The following EPHX2 variants were observed in gnomAD, a reference collection of about 807,000 sequenced individuals.
The protein encoded by EPHX2 is epoxide hydrolase 2.
EPHX2 carries 74 observed loss-of-function variants against 78.7 expected under a neutral mutation model. The observed-to-expected ratio is 0.94, with a 90% CI of 0.78 to 1.14. The LOEUF is 1.14. EPHX2 is among the 50% of genes most tolerant of loss of function. EPHX2 has a pLI of 0.00. For synonymous variants in EPHX2, 251 were observed against 255.2 expected, an observed-to-expected ratio of 0.98 and a Z score of 0.16; for missense variants, 715 against 702.5, an observed-to-expected ratio of 1.02 and a Z score of -0.20.
chr8:27,500,095 C>A (rs534975165), intron 1 of EPHX2, among the ~76,000 whole-genome samples: 1 of 152,194 alleles, frequency 6.6e-6, no homozygotes, highest in African/African-American at 2.4e-5. Flanking sequence ...TGTGTCCCCA[C>A]CCAAATCTCC....
rs1815528511 is a variant in EPHX2 at position 27,544,644 on chromosome 8, G to A, written c.*122G>A. 7.1e-6 allele frequency: 7 copies of A among 988,216 alleles called. No homozygotes were observed. Among genetic ancestry groups the A allele is most frequent in the South Asian group, 2.9e-5 (2 of 69,746 alleles). 61.2% of individuals were successfully genotyped at this position (988,216 alleles called of 1,614,324 possible). On this transcript the variant is annotated 3_prime_UTR_variant, in exon 19 of 19. Transcript: ENST00000521400. ...TGGATGGCAGCATTGTTCTGAAGGG[G>A]TTTGCAGAAAAAAAAGATTTTCTTT...
At position 27,522,460 on chromosome 8, in the gene EPHX2, G is replaced by C. The variant is rs770003576; in HGVS notation, c.1010G>C (p.Gly337Ala). The C allele has an allele frequency of 1.2e-6, 2 of 1,614,100 alleles. No individual in the cohort carries two copies. The highest frequency in any genetic ancestry group is 2.2e-5 in the South Asian group (2 of 91,068). ...SQAVFIGHDW[G>A]GMLVWYMALF... ...GCAGTGTTCATTGGCCATGACTGGG[G>C]TGGCATGCTGGTGTGGTACATGGCT... is the stretch of plus-strand genomic sequence containing the variant. The change falls in exon 11 of 19, where the codon GGT (glycine) becomes GCT (alanine). Residue 337 changes from glycine (G) to alanine (A), a missense_variant. Physicochemically the swap from Gly to Ala is moderately conservative, Grantham distance 60. Transcript: ENST00000521400.
intron 13 of EPHX2, among the ~76,000 whole-genome samples, chr8:27,537,596 T>G (rs1815253902): frequency 6.6e-6 from 1 of 152,314 alleles, no homozygotes; most frequent in South Asian, 2.1e-4. Context: ...AACCTGTCTT[T>G]GAAGTTTTAA....
chr8:27,517,682 A>G lies in EPHX2; in HGVS notation c.911-356A>G, dbSNP rs1305811837. On this transcript the variant is annotated intron_variant, in intron 8 of 18. Coordinates refer to ENST00000521400, the MANE Select transcript of EPHX2 (RefSeq NM_001979.6). ...TTCAAACAAATGGTGGTGGGGAAAC[A>G]TGAAAAAGAATGAAATTGGACCTTT... is the stretch of plus-strand genomic sequence containing the variant. Among the ~76,000 whole-genome samples, 10 of 152,230 alleles carry G rather than the reference A, an allele frequency of 6.6e-5. 1 individual carries two copies.
chr8:27,511,460 C>T (rs1042900502), intron 5 of EPHX2, among the ~76,000 whole-genome samples: 1 of 152,266 alleles, frequency 6.6e-6, no homozygotes, highest in Non-Finnish European at 1.5e-5. Context: ...TTCAGGGACT[C>T]AGGATGATGG....
At position 27,493,918 on chromosome 8, in the gene EPHX2, C is replaced by T. The variant is rs911010485; in HGVS notation, c.101+2609C>T. 3.3e-5 allele frequency among the ~76,000 whole-genome samples: 5 copies of T among 151,976 alleles called. No homozygotes were observed. The South Asian group carries it at 1.0e-3, about 32-fold the overall frequency. On this transcript the variant is annotated intron_variant, in intron 1 of 18. Transcript: ENST00000521400. ...TCTATTTTCCCATTGGAGAAAAAAC[C>T]GTTTTGTATCTACTAGGAACCATCC...
chr8:27,503,813 G>A (rs559345117), intron 3 of EPHX2, 50 bp downstream of exon 3: 30 of 1,574,644 alleles, frequency 1.9e-5, no homozygotes, highest in Middle Eastern at 4.2e-4. Context: ...CAGAACCCTC[G>A]GGAGCATTAG....
intron 5 of EPHX2, among the ~76,000 whole-genome samples, chr8:27,508,098 C>T (rs762261091): frequency 6.6e-6 from 1 of 152,070 alleles, no homozygotes; most frequent in Non-Finnish European, 1.5e-5. Flanking sequence ...GTCAGGAGTT[C>T]GAGACCAACC....
At chr8:27,542,118 G>A (rs1240037405) in intron 16 of EPHX2, among the ~76,000 whole-genome samples, 2 of 152,078 alleles carry the variant, frequency 1.3e-5, no homozygotes, top group African/African-American at 4.8e-5. Context: ...AGGTAGCTAG[G>A]CCTTCATCAG....
In EPHX2 at chr8:27,520,882, G is replaced by T; in HGVS notation, c.946-1G>T. On this transcript the variant is annotated splice_acceptor_variant, in intron 9 of 18. Coordinates refer to ENST00000521400, the MANE Select transcript of EPHX2 (RefSeq NM_001979.6). LOFTEE classifies it high-confidence loss of function. ...TTGCCTGTGTGTGTCTTCTTCCTTA[G>T]GAGATGGTAACCTTCCTGGATAAAC... The T allele has an allele frequency of 6.2e-7, 1 of 1,614,204 alleles. No homozygotes were observed. Among genetic ancestry groups the T allele is most frequent in the Non-Finnish European group, 8.5e-7 (1 of 1,180,034 alleles).
chr8:27,521,590 C>A (rs542311227), intron 10 of EPHX2, among the ~76,000 whole-genome samples: 1 of 152,172 alleles, frequency 6.6e-6, no homozygotes, highest in East Asian at 1.9e-4. Context: ...GTGCCTGACA[C>A]GGCAGGGAAG....
At chr8:27,496,793 G>A (rs1813589209) in intron 1 of EPHX2, among the ~76,000 whole-genome samples, 1 of 152,198 alleles carries the variant, frequency 6.6e-6, no homozygotes, top group Non-Finnish European at 1.5e-5. Flanking sequence ...TTTGGACTGG[G>A]CAGGCATTTT....
At chr8:27,523,659 A>G (rs1330989995) in intron 11 of EPHX2, among the ~76,000 whole-genome samples, 1 of 152,170 alleles carries the variant, frequency 6.6e-6, no homozygotes, top group African/African-American at 2.4e-5. Flanking sequence ...TTCCTAAAAT[A>G]TTGTTAAAGT....
In EPHX2 at chr8:27,503,743, C is replaced by T. The variant is rs1185460461; in HGVS notation, c.326C>T (p.Ala109Val). The T allele has an allele frequency of 1.2e-6, 2 of 1,612,578 alleles. No individual in the cohort carries two copies. The highest frequency in any genetic ancestry group is 1.7e-6 in the Non-Finnish European group (2 of 1,179,946). Reference protein sequence around the residue: ...RKINRPMLQAALMLRKKGFTT... With the variant: ...RKINRPMLQAVLMLRKKGFTT... ...ATCAACCGCCCCATGCTCCAGGCAGCTCTCATGCTCAGGAAGAAAGGTAAG... is the reference window on the plus strand; with the variant it reads ...ATCAACCGCCCCATGCTCCAGGCAGTTCTCATGCTCAGGAAGAAAGGTAAG... The change falls in exon 3 of 19, where the codon GCT becomes GTT. Residue 109 changes from alanine (A) to valine (V), a missense_variant. Ala to Val is a moderately conservative substitution (Grantham distance 64). Coordinates refer to ENST00000521400, the MANE Select transcript of EPHX2 (RefSeq NM_001979.6).
chr8:27,529,016 G>A (rs1200711975), intron 12 of EPHX2, among the ~76,000 whole-genome samples: 2 of 152,208 alleles, frequency 1.3e-5, no homozygotes, highest in East Asian at 3.9e-4. Context: ...GGCTGGTCTT[G>A]AACTCCTGAC....
At position 27,505,139 on chromosome 8, in the gene EPHX2, C is replaced by T. The variant is rs1210524904; in HGVS notation, c.530C>T (p.Pro177Leu). ...CTGCTGGACACCCTGAAGGCCAGCC[C>T]CAGTGAGGTACGGAGACACTTCCTT... ...KFLLDTLKAS[P>L]SEVVFLDDIG... The change falls in exon 4 of 19, where the codon CCC becomes CTC. Residue 177 changes from proline (P) to leucine (L), a missense_variant. Physicochemically the swap from Pro to Leu is moderately conservative, Grantham distance 98 (BLOSUM62 -3). Transcript: ENST00000521400. The T allele has an allele frequency of 1.9e-6, 3 of 1,613,868 alleles. No individual in the cohort carries two copies. The African/African-American group carries it at 4.0e-5, about 22-fold the overall frequency.
intron 11 of EPHX2, among the ~76,000 whole-genome samples, chr8:27,524,721 C>G (rs1313686537): frequency 6.6e-6 from 1 of 152,160 alleles, no homozygotes; most frequent in African/African-American, 2.4e-5. Flanking sequence ...TTCAAATGCT[C>G]CCTTTTCCAC....
chr8:27,507,344 C>T (rs574787415), intron 5 of EPHX2, among the ~76,000 whole-genome samples: 2 of 152,186 alleles, frequency 1.3e-5, no homozygotes, highest in Non-Finnish European at 2.9e-5. Flanking sequence ...CCTGGCATGT[C>T]GAGCATGCCG....
chr8:27,539,664 GAC>G (rs1815331543), intron 14 of EPHX2, among the ~76,000 whole-genome samples: 1 of 152,206 alleles, frequency 6.6e-6, no homozygotes, highest in Admixed American at 6.5e-5. Context: ...CAGCTACCCA[GAC>G]ACACGAAGCA....
Sources: gnomAD v4.1 joint callset for allele counts (sites outside exome capture counted in the v4.1 genomes callset) on GRCh38, gnomAD v4.1.1 for gene constraint, MANE v1.5 for transcripts, NCBI Gene and HGNC (gene_info 2026-07-23, HGNC 2026-07-21) for gene names.